EPB41L4A: variants seen among roughly 807,000 people sequenced by gnomAD.
EPB41L4A encodes erythrocyte membrane protein band 4.1 like 4A.
In EPB41L4A, 100 loss-of-function variants were observed where a neutral mutation model predicts 108.6. The observed-to-expected ratio is 0.92, with a 90% CI of 0.78 to 1.09. The LOEUF is 1.09. Among genes scored for constraint, EPB41L4A ranks in the 50% least tolerant of loss-of-function variants. The probability of loss-of-function intolerance (pLI) is 0.00; values close to 1 mark genes in which losing one functional copy is unlikely to be tolerated. For synonymous variants in EPB41L4A, 319 were observed against 289.0 expected (o/e 1.10, Z -1.05); for missense variants, 1,030 against 842.7 (o/e 1.22, Z -2.75).
At chr5:112,406,662 G>A (rs750764205) in intron 1 of EPB41L4A, among the ~76,000 whole-genome samples, 40 of 152,192 alleles carry the variant, frequency 2.6e-4, no homozygotes, top group Admixed American at 7.2e-4. Flanking sequence ...GCGCAGTTAG[G>A]AGTATGGGAG....
At chr5:112,407,566 T>C (rs1762142758) in intron 1 of EPB41L4A, among the ~76,000 whole-genome samples, 1 of 152,112 alleles carries the variant, frequency 6.6e-6, no homozygotes, top group South Asian at 2.1e-4. Flanking sequence ...TAGATGAAAA[T>C]CCATGTATAT....
chr5:112,392,724 T>G (rs1761036750), intron 1 of EPB41L4A: 1 of 152,178 alleles, frequency 6.6e-6, no homozygotes, highest in African/African-American at 2.4e-5. Flanking sequence ...TGAACTCACC[T>G]CTGCACCAAG....
intron 15 of EPB41L4A, among the ~76,000 whole-genome samples, chr5:112,199,558 G>A (rs1017808247): frequency 1.3e-5 from 2 of 151,950 alleles, no homozygotes; most frequent in Middle Eastern, 3.4e-3. Flanking sequence ...ATTATATTTC[G>A]GTCCATAAAG....
chr5:112,377,930 C>T (rs1759922713), intron 1 of EPB41L4A, among the ~76,000 whole-genome samples: 1 of 152,122 alleles, frequency 6.6e-6, no homozygotes, highest in Non-Finnish European at 1.5e-5. Flanking sequence ...AAGGATACTA[C>T]TCTACAGCAT....
intron 13 of EPB41L4A, among the ~76,000 whole-genome samples, chr5:112,144,623 T>G (rs1383237243): frequency 6.6e-6 from 1 of 152,154 alleles, no homozygotes; most frequent in African/African-American, 2.4e-5. Flanking sequence ...CATGGCTGAA[T>G]TTACACCTAA....
At chr5:112,189,437 T>C (rs1339844939) in intron 17 of EPB41L4A, among the ~76,000 whole-genome samples, 1 of 152,182 alleles carries the variant, frequency 6.6e-6, no homozygotes, top group East Asian at 1.9e-4. Flanking sequence ...CAAAGTGGGT[T>C]CAATTTCATA....
At chr5:112,152,375 C>A (rs940401673) in intron 12 of EPB41L4A, among the ~76,000 whole-genome samples, 1 of 152,092 alleles carries the variant, frequency 6.6e-6, no homozygotes, top group Non-Finnish European at 1.5e-5. Flanking sequence ...CTGCTATGGT[C>A]TGAATGTTTA....
At chr5:112,358,413 T>C (rs1758502340) in intron 1 of EPB41L4A, among the ~76,000 whole-genome samples, 1 of 152,192 alleles carries the variant, frequency 6.6e-6, no homozygotes, top group Non-Finnish European at 1.5e-5. Flanking sequence ...ACAAAGACTG[T>C]AACTGTCAAC....
intron 1 of EPB41L4A, among the ~76,000 whole-genome samples, chr5:112,308,015 G>A (rs1485890897): frequency 1.3e-5 from 2 of 152,118 alleles, no homozygotes; most frequent in Non-Finnish European, 2.9e-5. Context: ...AAAAGCCCCT[G>A]TGAAGATATT....
intron 1 of EPB41L4A, among the ~76,000 whole-genome samples, chr5:112,386,628 G>C (rs1035320600): frequency 2.0e-5 from 3 of 152,310 alleles, no homozygotes; most frequent in African/African-American, 7.2e-5. Flanking sequence ...CTTCAGGACA[G>C]ACTATAGAAG....
chr5:112,194,710 A>G (rs1761878276), intron 16 of EPB41L4A, 65 bp from the exon 17 acceptor site: 7 of 1,149,614 alleles, frequency 6.1e-6, no homozygotes, highest in Non-Finnish European at 8.8e-6. Context: ...CAATTTCAGA[A>G]AGGTTTATAT....
chr5:112,177,632 T>G (rs1329117353), intron 18 of EPB41L4A, among the ~76,000 whole-genome samples: 2 of 152,218 alleles, frequency 1.3e-5, no homozygotes, highest in Admixed American at 1.3e-4. Flanking sequence ...ACATTAACAT[T>G]TTAATACGAG....
At chr5:112,310,523 C>T (rs938766645) in intron 1 of EPB41L4A, among the ~76,000 whole-genome samples, 23 of 152,234 alleles carry the variant, frequency 1.5e-4, no homozygotes, top group South Asian at 1.5e-3. Flanking sequence ...ATGGCCCGAA[C>T]GCATATCCTT....
At chr5:112,210,184 A>C (rs981748884) in intron 12 of EPB41L4A, 3 of 418,056 alleles carry the variant, frequency 7.2e-6, no homozygotes, top group Non-Finnish European at 1.3e-5. Flanking sequence ...TCAACATAAC[A>C]ATGTCCTGGG....
intron 1 of EPB41L4A, among the ~76,000 whole-genome samples, chr5:112,396,306 T>G (rs1040439034): frequency 2.0e-5 from 3 of 152,188 alleles, no homozygotes; most frequent in Admixed American, 6.5e-5. Context: ...AAAGGCTTTA[T>G]CCATATTGCT....
intron 1 of EPB41L4A, among the ~76,000 whole-genome samples, chr5:112,339,503 T>G (rs1372758916): frequency 2.2e-4 from 10 of 44,556 alleles, no homozygotes; most frequent in South Asian, 1.5e-3. Context: ...TATCTATATA[T>G]ATATATAGAT....
intron 2 of EPB41L4A, among the ~76,000 whole-genome samples, chr5:112,286,373 T>C (rs1753281096): frequency 6.6e-6 from 1 of 152,138 alleles, no homozygotes; most frequent in Non-Finnish European, 1.5e-5. Flanking sequence ...TTGCTTTACA[T>C]TCATTAGCAA....
At chr5:112,320,666 C>A (rs183821892) in intron 1 of EPB41L4A, among the ~76,000 whole-genome samples, 2 of 152,272 alleles carry the variant, frequency 1.3e-5, no homozygotes, top group East Asian at 1.9e-4. Context: ...GCTACTTTCT[C>A]ATTATTTATT....
chr5:112,403,428 G>T lies in EPB41L4A; in HGVS notation c.99+15513C>A, dbSNP rs151269298. Among the ~76,000 whole-genome samples the T allele has an allele frequency of 4.7e-3, 708 of 151,190 alleles. 7 individuals carry two copies. The highest frequency in any genetic ancestry group is 0.017 in the African/African-American group (685 of 41,128). On this transcript the variant is annotated intron_variant, in intron 1 of 22. Transcript: ENST00000261486. ...CATCACTGAAATTAACAGAAGAACT[G>T]TAAGTCTCCTTTTTGACATATAATT...
Sources: allele counts gnomAD v4.1 joint callset (sites outside exome capture counted in the v4.1 genomes callset), GRCh38; gene constraint gnomAD v4.1.1; transcripts MANE v1.5; gene names NCBI Gene and HGNC (gene_info 2026-07-23, HGNC 2026-07-21).